Variants in PTPRR observed in about 807,000 individuals in gnomAD.
PTPRR encodes the protein receptor-type tyrosine-protein phosphatase R.
Under a neutral mutation model 77.2 loss-of-function variants are expected in PTPRR, and 38 were observed. The ratio of observed to expected loss-of-function variants is 0.49; its 90% CI spans 0.38 to 0.65. The LOEUF is 0.65. Ranked by LOEUF, PTPRR falls within the 30% of genes least tolerant of loss-of-function variation. PTPRR has a pLI of 0.00. For missense variants in PTPRR, 744 were observed against 799.2 expected (o/e 0.93, Z 0.83); for synonymous variants, 299 against 283.1 (o/e 1.06, Z -0.57).
intron 10 of PTPRR, among the ~76,000 whole-genome samples, chr12:70,669,548 T>G (rs1327979233): frequency 7.5e-6 from 1 of 133,810 alleles, no homozygotes; most frequent in Non-Finnish European, 1.5e-5. Context: ...AAGCCATATA[T>G]ATATATGTTA....
chr12:70,765,489 G>T (rs1391619409), intron 2 of PTPRR, among the ~76,000 whole-genome samples: 1 of 152,204 alleles, frequency 6.6e-6, no homozygotes, highest in African/African-American at 2.4e-5. Flanking sequence ...GGCTCACTTA[G>T]GTAAACAAAG....
intron 2 of PTPRR, among the ~76,000 whole-genome samples, chr12:70,869,862 T>A (rs1892931232): frequency 1.3e-5 from 2 of 152,188 alleles, no homozygotes; most frequent in Admixed American, 1.3e-4. Context: ...ATTTTGCACT[T>A]GTAACTTCCA....
chr12:70,897,005 G>T (rs1233226892), intron 1 of PTPRR, among the ~76,000 whole-genome samples: 3 of 151,782 alleles, frequency 2.0e-5, no homozygotes, highest in Non-Finnish European at 2.9e-5. Flanking sequence ...TGCTGTTTTG[G>T]TTACTGTAGC....
At chr12:70,744,656 C>T (rs1890154660) in intron 6 of PTPRR, among the ~76,000 whole-genome samples, 1 of 152,140 alleles carries the variant, frequency 6.6e-6, no homozygotes, top group Non-Finnish European at 1.5e-5. Flanking sequence ...TAACTATTTG[C>T]ATAGGGCATT....
chr12:70,703,229 T>C (rs1888497547), intron 6 of PTPRR, among the ~76,000 whole-genome samples: 2 of 152,200 alleles, frequency 1.3e-5, no homozygotes, highest in African/African-American at 4.8e-5. Context: ...AATTTTATAT[T>C]TGCCCTCACA....
Position 70,660,937 on chromosome 12 carries a change from T to C in PTPRR, c.1766+3A>G. On this transcript the variant is annotated splice_donor_region_variant and intron_variant, in intron 12 of 13. Coordinates refer to ENST00000283228, the MANE Select transcript of PTPRR (RefSeq NM_002849.4). ...TAGACAGAAAGGACCATACACGTCT[T>C]ACCTGCAGTGGACAACCACAGGCCC... 1 of 1,611,904 alleles carries C rather than the reference T, an allele frequency of 6.2e-7. No homozygotes were observed. Among genetic ancestry groups the C allele is most frequent in the African/African-American group, 1.3e-5 (1 of 75,026 alleles).
intron 1 of PTPRR, among the ~76,000 whole-genome samples, chr12:70,896,069 C>G (rs527828504): frequency 6.6e-6 from 1 of 151,664 alleles, no homozygotes; most frequent in Non-Finnish European, 1.5e-5. Flanking sequence ...AAAACCTAAT[C>G]AAAAGAAACC....
chr12:70,710,810 A>C (rs545634571), intron 6 of PTPRR, among the ~76,000 whole-genome samples: 24 of 152,288 alleles, frequency 1.6e-4, no homozygotes, highest in Middle Eastern at 3.4e-3. Context: ...TCTCAACATC[A>C]CTGATAATTA....
intron 2 of PTPRR, among the ~76,000 whole-genome samples, chr12:70,875,525 G>C (rs1015551074): frequency 6.6e-6 from 1 of 151,718 alleles, no homozygotes; most frequent in Non-Finnish European, 1.5e-5. Flanking sequence ...TGAAATCAAT[G>C]ATTTCTTACC....
intron 6 of PTPRR, among the ~76,000 whole-genome samples, chr12:70,737,729 C>T (rs1336977281): frequency 6.6e-6 from 1 of 152,038 alleles, no homozygotes; most frequent in African/African-American, 2.4e-5. Context: ...CACTATGTTG[C>T]CCAGGTTGGT....
At chr12:70,866,212 C>T (rs962131229) in intron 2 of PTPRR, among the ~76,000 whole-genome samples, 7 of 151,850 alleles carry the variant, frequency 4.6e-5, no homozygotes, top group African/African-American at 1.5e-4. Context: ...AATAGAGACA[C>T]AAAAAACCCT....
intron 13 of PTPRR, among the ~76,000 whole-genome samples, chr12:70,656,149 T>C (rs1886570431): frequency 6.6e-6 from 1 of 151,990 alleles, no homozygotes; most frequent in East Asian, 1.9e-4. Flanking sequence ...GCCCAGGAAG[T>C]CTAGGCTGTA....
At chr12:70,841,231 C>A (rs1444004836) in intron 2 of PTPRR, among the ~76,000 whole-genome samples, 1 of 151,990 alleles carries the variant, frequency 6.6e-6, no homozygotes, top group East Asian at 1.9e-4. Flanking sequence ...TAGCAACAGC[C>A]AGCTTTATCC....
rs112027749 is a variant in PTPRR at position 70,663,403 on chromosome 12, T to C, written c.1498-798A>G. On this transcript the variant is annotated intron_variant, in intron 10 of 13. Transcript: ENST00000283228. Reference sequence around the variant, plus strand: ...ATACTTAAACCCTTTGGTTATAGTTTCTTTATTATTGGCTATCTGGAAAGT... The same window carrying C: ...ATACTTAAACCCTTTGGTTATAGTTCCTTTATTATTGGCTATCTGGAAAGT... Among the ~76,000 whole-genome samples, 715 of 152,340 alleles carry C rather than the reference T, an allele frequency of 4.7e-3. 5 individuals are homozygous for C. Among genetic ancestry groups the C allele is most frequent in the African/African-American group, 0.016 (683 of 41,584 alleles).
chr12:70,874,339 A>G lies in PTPRR; in HGVS notation c.357+18340T>C, dbSNP rs142859864. 2.7e-3 allele frequency among the ~76,000 whole-genome samples: 411 copies of G among 152,328 alleles called. 11 individuals are homozygous for G. The East Asian group carries it at 0.063, about 23-fold the overall frequency. ...CAAGGAGACCACTGGAGTCAGGCAC[A>G]GGTGGCGACCAAGATATTCAGAGAG... is the stretch of plus-strand genomic sequence containing the variant. On this transcript the variant is annotated intron_variant, in intron 2 of 13. Transcript: ENST00000283228.
intron 9 of PTPRR, 32 bp downstream of exon 9, chr12:70,684,672 C>T: frequency 7.1e-7 from 1 of 1,416,050 alleles, no homozygotes; most frequent in South Asian, 1.3e-5. Flanking sequence ...AATAGGAAGT[C>T]ACCAGAAAGA....
In PTPRR at chr12:70,774,820, T is replaced by C. The variant is rs920262974; in HGVS notation, c.358-10042A>G. On this transcript the variant is annotated intron_variant, in intron 2 of 13. Transcript: ENST00000283228. ...TTTATTTCAGACAAAATAAAAAATA[T>C]ATGACTTTATATAGTTAGAAGATAT... is the stretch of plus-strand genomic sequence containing the variant. 6.6e-5 allele frequency among the ~76,000 whole-genome samples: 10 copies of C among 152,306 alleles called. No homozygotes were observed. The South Asian group carries it at 1.0e-3, about 16-fold the overall frequency.
At chr12:70,888,857 G>T (rs978202761) in intron 2 of PTPRR, among the ~76,000 whole-genome samples, 1 of 151,960 alleles carries the variant, frequency 6.6e-6, no homozygotes, top group African/African-American at 2.4e-5. Flanking sequence ...AAGTATACAG[G>T]CTACTGTAGT....
chr12:70,918,896 A>G (rs963227911), intron 1 of PTPRR, among the ~76,000 whole-genome samples: 1 of 152,212 alleles, frequency 6.6e-6, no homozygotes, highest in African/African-American at 2.4e-5. Context: ...GTGGTAACGA[A>G]ATAATTCACT....
Sources: gnomAD v4.1 joint callset for allele counts (sites outside exome capture counted in the v4.1 genomes callset) on GRCh38, gnomAD v4.1.1 for gene constraint, MANE v1.5 for transcripts, NCBI Gene and HGNC (gene_info 2026-07-23, HGNC 2026-07-21) for gene names.